PVT1: variants seen among roughly 807,000 people sequenced by gnomAD.
PVT1 encodes Pvt1 oncogene, also known as CXCR4/PVT1 fusion.
chr8:128,089,956 G>C (rs923280661), intron 5 of PVT1, among the ~76,000 whole-genome samples: 4 of 152,212 alleles, frequency 2.6e-5, no homozygotes, highest in African/African-American at 9.6e-5. Flanking sequence ...GCAAACTAGA[G>C]AAGCTATGGA....
At chr8:127,896,613 A>AT (rs377556541) in intron 3 of PVT1, among the ~76,000 whole-genome samples, 9 of 149,630 alleles carry the variant, frequency 6.0e-5, no homozygotes, top group South Asian at 2.1e-4. Flanking sequence ...TTTTATTTTT[A>AT]TTATGTATGT....
At chr8:128,033,113 T>TA (rs1813413722) in intron 4 of PVT1, among the ~76,000 whole-genome samples, 3 of 152,214 alleles carry the variant, frequency 2.0e-5, no homozygotes, top group Non-Finnish European at 4.4e-5. Flanking sequence ...TTTGCTGTCG[T>TA]CCTTACTTAA....
chr8:128,025,478 G>T lies in PVT1; in HGVS notation n.912+36187G>T, dbSNP rs1817482590. On this transcript the variant is annotated intron_variant and non_coding_transcript_variant, in intron 4 of 10. Transcript: ENST00000651587. ...TGCACCAGGCACCTTCAGCCCTCAG[G>T]GGAGAGAGTCTCCTGTCCAGCTCAC... Among the ~76,000 whole-genome samples, 3 of 152,150 alleles carry T rather than the reference G, an allele frequency of 2.0e-5. No homozygotes were observed. The South Asian group carries it at 6.2e-4, about 32-fold the overall frequency.
At chr8:127,930,709 C>A (rs1451360827) in intron 3 of PVT1, among the ~76,000 whole-genome samples, 1 of 152,060 alleles carries the variant, frequency 6.6e-6, no homozygotes, top group Non-Finnish European at 1.5e-5. Context: ...CTTCGTACCC[C>A]CTCACTGACA....
At position 127,942,536 on chromosome 8, in the gene PVT1, A is replaced by G. The variant is rs80183963; in HGVS notation, n.783-46626A>G. Among the ~76,000 whole-genome samples the G allele has an allele frequency of 8.2e-3, 1,242 of 152,288 alleles. 12 individuals carry two copies. The highest frequency in any genetic ancestry group is 0.027 in the African/African-American group (1,125 of 41,548). ...GCCCCTGAAGGCTGCCATAGGGGAA[A>G]TGATAACCCATTCTACAGCTGCTGA... is the stretch of plus-strand genomic sequence containing the variant. On this transcript the variant is annotated intron_variant and non_coding_transcript_variant, in intron 3 of 10. Transcript: ENST00000651587.
At chr8:128,011,264 T>C in intron 4 of PVT1, among the ~76,000 whole-genome samples, 1 of 152,214 alleles carries the variant, frequency 6.6e-6, no homozygotes, top group East Asian at 1.9e-4. Flanking sequence ...GATAATCTTT[T>C]GTGGGGGAGT....
intron 5 of PVT1, among the ~76,000 whole-genome samples, chr8:128,080,031 T>G (rs1814155874): frequency 6.6e-6 from 1 of 152,164 alleles, no homozygotes; most frequent in Non-Finnish European, 1.5e-5. Flanking sequence ...TAATATGCAT[T>G]TAAGGTCCCT....
chr8:127,997,404 C>G (rs1485960150), intron 4 of PVT1, among the ~76,000 whole-genome samples: 1 of 152,124 alleles, frequency 6.6e-6, no homozygotes, highest in Non-Finnish European at 1.5e-5. Context: ...GGATGGCCGC[C>G]ATAGTCCCTC....
intron 4 of PVT1, among the ~76,000 whole-genome samples, chr8:128,056,067 A>T (rs934174915): frequency 2.6e-5 from 4 of 152,100 alleles, no homozygotes; most frequent in Non-Finnish European, 2.9e-5. Context: ...ACTCTGCTTA[A>T]CCTCTTGGGT....
intron 2 of PVT1, among the ~76,000 whole-genome samples, chr8:127,875,600 G>T (rs187351411): frequency 1.3e-5 from 2 of 151,934 alleles, no homozygotes; most frequent in African/African-American, 4.8e-5. Context: ...CCTCTAAGGC[G>T]CTCCACATCT....
chr8:127,972,571 C>T (rs1816776131), intron 3 of PVT1, among the ~76,000 whole-genome samples: 1 of 152,040 alleles, frequency 6.6e-6, no homozygotes, highest in Non-Finnish European at 1.5e-5. Flanking sequence ...AACCCTGTCT[C>T]TACTAAAAAT....
intron 6 of PVT1, among the ~76,000 whole-genome samples, chr8:128,096,870 A>C (rs1814435558): frequency 6.6e-6 from 1 of 152,218 alleles, no homozygotes; most frequent in African/African-American, 2.4e-5. Context: ...GAATGATGGC[A>C]GCAGATGGGC....
intron 4 of PVT1, among the ~76,000 whole-genome samples, chr8:128,011,418 C>T (rs1265536171): frequency 6.6e-6 from 1 of 152,042 alleles, no homozygotes; most frequent in Non-Finnish European, 1.5e-5. Flanking sequence ...GAAATTAGTG[C>T]CCTCAAAATA....
At chr8:128,022,532 A>G (rs1233269478) in intron 4 of PVT1, among the ~76,000 whole-genome samples, 1 of 152,232 alleles carries the variant, frequency 6.6e-6, no homozygotes, top group Non-Finnish European at 1.5e-5. Context: ...CATAAGATGC[A>G]CTGAAGAATT....
chr8:128,093,930 C>T (rs1014799667), intron 5 of PVT1, among the ~76,000 whole-genome samples: 7 of 152,202 alleles, frequency 4.6e-5, no homozygotes, highest in African/African-American at 7.2e-5. Context: ...GCCACCGTGC[C>T]GTGCCAGCTC....
intron 2 of PVT1, among the ~76,000 whole-genome samples, chr8:127,844,692 G>GTT (rs1280952015): frequency 6.8e-6 from 1 of 146,832 alleles, no homozygotes; most frequent in African/African-American, 2.5e-5. Context: ...ATGGAGGTGT[G>GTT]TTTTTTTTTT....
chr8:127,823,293 C>A (rs1814753223), intron 2 of PVT1, among the ~76,000 whole-genome samples: 1 of 152,170 alleles, frequency 6.6e-6, no homozygotes, highest in African/African-American at 2.4e-5. Context: ...CAGCCAACTT[C>A]ATATGGATGC....
intron 3 of PVT1, among the ~76,000 whole-genome samples, chr8:127,981,070 A>T (rs2129979519): frequency 6.6e-6 from 1 of 152,328 alleles, no homozygotes; most frequent in South Asian, 2.1e-4. Flanking sequence ...TGCTGGGATT[A>T]TAGACGTGAG....
intron 2 of PVT1, among the ~76,000 whole-genome samples, chr8:127,850,740 C>T (rs1423539932): frequency 6.6e-6 from 1 of 152,190 alleles, no homozygotes; most frequent in Non-Finnish European, 1.5e-5. Context: ...TAGTTGTGAT[C>T]AGGAGCGGTG....
Sources: gnomAD v4.1 joint callset for allele counts (sites outside exome capture counted in the v4.1 genomes callset) on GRCh38, gnomAD v4.1.1 for gene constraint, MANE v1.5 for transcripts, NCBI Gene and HGNC (gene_info 2026-07-23, HGNC 2026-07-21) for gene names.